The following GALNT11 variants were observed in gnomAD, a reference collection of about 807,000 sequenced individuals.
GALNT11 encodes UDP-GalNAc:polypeptide N-acetylgalactosaminyltransferase 11.
In GALNT11, 47 loss-of-function variants were observed where a neutral mutation model predicts 72.7. That is an observed-to-expected ratio of 0.65 (90% CI 0.51 to 0.82). The LOEUF is 0.82. GALNT11 is among the 40% of genes least tolerant of loss of function. The probability of loss-of-function intolerance (pLI) is 0.00; values close to 1 mark genes in which losing one functional copy is unlikely to be tolerated. For missense variants in GALNT11, 677 were observed against 778.4 expected (o/e 0.87, Z 1.55); for synonymous variants, 270 against 286.6 (o/e 0.94, Z 0.58).
intron 3 of GALNT11, 144 bp from the exon 4 acceptor site, chr7:152,102,968 C>T (rs11978756): frequency 0.046 from 33,141 of 712,726 alleles, 1,895 homozygotes; most frequent in African/African-American, 0.17. Flanking sequence ...GCAACAAGAG[C>T]GAGACTCCGT....
At chr7:152,111,628 G>GTGTGTATATATATA (rs553453480) in intron 7 of GALNT11, among the ~76,000 whole-genome samples, 3 of 144,824 alleles carry the variant, frequency 2.1e-5, no homozygotes, top group African/African-American at 8.0e-5. Flanking sequence ...GTGTGTGTGT[G>GTGTGTATATATATA]TATATATATA....
chr7:152,058,437 G>T (rs186713510), intron 1 of GALNT11, among the ~76,000 whole-genome samples: 1 of 151,994 alleles, frequency 6.6e-6, no homozygotes, highest in East Asian at 1.9e-4. Flanking sequence ...CGGTTCAAGC[G>T]ATACTCCTGC....
At position 152,064,385 on chromosome 7, in the gene GALNT11, C is replaced by T. The variant is rs184489617; in HGVS notation, c.-38-29805C>T. On this transcript the variant is annotated intron_variant, in intron 1 of 11. Transcript: ENST00000430044. ...AGATGGGTCTCCTGAATATAGCACACTGATGGGTCTTGACTCTTTATCCAA... is the reference window on the plus strand; with the variant it reads ...AGATGGGTCTCCTGAATATAGCACATTGATGGGTCTTGACTCTTTATCCAA... 5.3e-4 allele frequency among the ~76,000 whole-genome samples: 80 copies of T among 152,306 alleles called. 1 individual carries two copies. In the East Asian group the frequency reaches 0.014, roughly 27 times the overall value.
intron 5 of GALNT11, among the ~76,000 whole-genome samples, chr7:152,106,546 G>A (rs923332631): frequency 1.3e-5 from 2 of 152,178 alleles, no homozygotes; most frequent in African/African-American, 4.8e-5. Context: ...TTCTAGTCAT[G>A]TAAAAACTTA....
intron 1 of GALNT11, among the ~76,000 whole-genome samples, chr7:152,080,998 A>C (rs566748895): frequency 1.3e-5 from 2 of 151,916 alleles, no homozygotes; most frequent in East Asian, 1.9e-4. Flanking sequence ...AACAAAAAAA[A>C]CCCCATTAAT....
intron 1 of GALNT11, among the ~76,000 whole-genome samples, chr7:152,077,181 G>A (rs1029917119): frequency 6.6e-6 from 1 of 152,216 alleles, no homozygotes; most frequent in African/African-American, 2.4e-5. Flanking sequence ...CAAAACAACT[G>A]TTTAGAAAAT....
At chr7:152,057,947 G>C (rs2083779176) in intron 1 of GALNT11, among the ~76,000 whole-genome samples, 1 of 152,172 alleles carries the variant, frequency 6.6e-6, no homozygotes, top group Non-Finnish European at 1.5e-5. Context: ...CTTCTTGGCT[G>C]TGACAGTTTC....
chr7:152,090,305 G>C (rs952065455), intron 1 of GALNT11, among the ~76,000 whole-genome samples: 1 of 151,880 alleles, frequency 6.6e-6, no homozygotes, highest in Non-Finnish European at 1.5e-5. Flanking sequence ...GGCTTCTGTT[G>C]TTTTATTTTC....
chr7:152,117,519 T>C (rs182131376), intron 9 of GALNT11, 144 bp downstream of exon 9: 672 of 767,036 alleles, frequency 8.8e-4, no homozygotes, highest in Non-Finnish European at 1.3e-3. Flanking sequence ...TATATTCTCT[T>C]TATGGGAACT....
At position 152,025,675 on chromosome 7, in the gene GALNT11, C is replaced by A. The variant is rs2081970023; in HGVS notation, c.-248C>A. 6.7e-6 allele frequency: 1 copy of A among 150,342 alleles called. No homozygotes were observed. The highest frequency in any genetic ancestry group is 1.5e-5 in the Non-Finnish European group (1 of 67,554). The allele number at this position is 150,342 out of a possible 1,614,324, so 9.3% of individuals were successfully genotyped here. On this transcript the variant is annotated 5_prime_UTR_variant, in exon 1 of 12. Transcript: ENST00000430044. ...GCGCCGGCGGACGCGCGGCGCTGGG[C>A]GGAGGCAGCGGCTCGGGGACTGGGC... is the stretch of plus-strand genomic sequence containing the variant.
Position 152,094,833 on chromosome 7 carries a change from G to A in GALNT11, c.295+311G>A, listed in dbSNP as rs537517830. Among the ~76,000 whole-genome samples the A allele has an allele frequency of 2.6e-5, 4 of 152,224 alleles. No individual in the cohort carries two copies. The highest frequency in any genetic ancestry group is 9.6e-5 in the African/African-American group (4 of 41,524). ...TTTTGTTTGTTTTTTTAAGAGATGG[G>A]GTCTCACCATATTGCCCAGGCTGTC... On this transcript the variant is annotated intron_variant, in intron 2 of 11. Transcript: ENST00000430044. The surrounding 1 kb of genome is among the most constrained non-coding windows in gnomAD (Gnocchi z 4.3).
intron 1 of GALNT11, among the ~76,000 whole-genome samples, chr7:152,035,566 GC>G (rs1225303520): frequency 6.6e-6 from 1 of 152,194 alleles, no homozygotes; most frequent in Non-Finnish European, 1.5e-5. Context: ...CCTCGGCTCA[GC>G]CCGGAAGTAC....
rs934210893 is a variant in GALNT11 at position 152,094,952 on chromosome 7, G to T, written c.295+430G>T. Among the ~76,000 whole-genome samples the T allele has an allele frequency of 1.3e-5, 2 of 152,106 alleles. No homozygotes were observed. The highest frequency in any genetic ancestry group is 6.5e-5 in the Admixed American group (1 of 15,268). On this transcript the variant is annotated intron_variant, in intron 2 of 11. Coordinates refer to ENST00000430044, the MANE Select transcript of GALNT11 (RefSeq NM_022087.4). The surrounding 1 kb of genome is among the most constrained non-coding windows in gnomAD (Gnocchi z 4.3). ...CCACTGTGCCCAGCCCTGGAAGAAG[G>T]TTTTAATTGCTAGAATTGTTAATAA...
intron 11 of GALNT11, 117 bp downstream of exon 11, chr7:152,121,085 A>C: frequency 8.0e-7 from 1 of 1,254,398 alleles, no homozygotes. Flanking sequence ...TCTGCAGTAC[A>C]GTGGTCCCCC....
chr7:152,041,584 A>G (rs1014612237), intron 1 of GALNT11, among the ~76,000 whole-genome samples: 1 of 152,230 alleles, frequency 6.6e-6, no homozygotes, highest in Admixed American at 6.5e-5. Context: ...GCTGAGTTGG[A>G]AAAATTAGCA....
chr7:152,108,576 T>C (rs1301831252), intron 6 of GALNT11, among the ~76,000 whole-genome samples: 3 of 152,212 alleles, frequency 2.0e-5, no homozygotes, highest in Non-Finnish European at 4.4e-5. Context: ...CGTGTGGTGG[T>C]TGCTGTTTGG....
chr7:152,032,851 C>T (rs148032438), intron 1 of GALNT11, among the ~76,000 whole-genome samples: 48 of 152,184 alleles, frequency 3.2e-4, no homozygotes, highest in African/African-American at 1.0e-3. Flanking sequence ...GACTTTCAGG[C>T]GTGACAAGAA....
Position 152,047,589 on chromosome 7 carries a change from T to C in GALNT11, c.-39+21705T>C, listed in dbSNP as rs2083195240. ...GTGCACACCTATAGTCCCAGCTACT[T>C]GGGAGGCTGAGGTATGAGGATTGCT... On this transcript the variant is annotated intron_variant, in intron 1 of 11. Transcript: ENST00000430044. 2.0e-5 allele frequency among the ~76,000 whole-genome samples: 3 copies of C among 151,880 alleles called. No individual in the cohort carries two copies. The South Asian group carries it at 6.3e-4, about 32-fold the overall frequency.
intron 6 of GALNT11, 129 bp from the exon 7 acceptor site, chr7:152,110,399 A>C: frequency 1.3e-6 from 1 of 755,656 alleles, no homozygotes; most frequent in Non-Finnish European, 2.3e-6. Flanking sequence ...ATACTGGATA[A>C]AATGATTCAT....
Sources: allele counts gnomAD v4.1 joint callset (sites outside exome capture counted in the v4.1 genomes callset), GRCh38; gene constraint gnomAD v4.1.1; non-coding constraint Gnocchi (gnomAD v3.1); transcripts MANE v1.5; gene names NCBI Gene and HGNC (gene_info 2026-07-23, HGNC 2026-07-21).